The following DNM1L variants were observed in gnomAD, a reference collection of about 807,000 sequenced individuals.
DNM1L encodes the protein dynamin 1L.
Under a neutral mutation model 92.8 loss-of-function variants are expected in DNM1L, and 33 were observed. That is an observed-to-expected ratio of 0.36 (90% confidence interval 0.27 to 0.48). DNM1L has a LOEUF of 0.48. Among genes scored for constraint, DNM1L ranks in the 20% least tolerant of loss-of-function variants. The pLI, the probability that DNM1L is intolerant of heterozygous loss-of-function variation, is 0.99. For synonymous variants in DNM1L, 284 were observed against 305.0 expected, an observed-to-expected ratio of 0.93 and a Z score of 0.72; for missense variants, 485 against 888.8, an observed-to-expected ratio of 0.55 and a Z score of 5.78.
intron 9 of DNM1L, among the ~76,000 whole-genome samples, chr12:32,723,610 C>G (rs1320893277): frequency 1.3e-5 from 2 of 148,584 alleles, no homozygotes; most frequent in Non-Finnish European, 3.0e-5. Flanking sequence ...AGGAGAATTG[C>G]TTGAACCCGT....
intron 1 of DNM1L, among the ~76,000 whole-genome samples, chr12:32,691,392 C>T (rs1258180708): frequency 6.6e-6 from 1 of 152,116 alleles, no homozygotes; most frequent in Non-Finnish European, 1.5e-5. Context: ...GCACGTGCCA[C>T]CACACCCAGC....
At chr12:32,684,783 C>T (rs11052170) in intron 1 of DNM1L, among the ~76,000 whole-genome samples, 23,436 of 152,052 alleles carry the variant, frequency 0.15, 1,919 homozygotes, top group Middle Eastern at 0.21. Flanking sequence ...TTAGGTTCAT[C>T]CATTATGTAG....
chr12:32,744,443 G>A lies in DNM1L; in HGVS notation c.*1033G>A, dbSNP rs1387702864. The A allele has an allele frequency of 6.1e-6, 1 of 163,034 alleles. No homozygotes were observed. The highest frequency in any genetic ancestry group is 1.3e-5 in the Non-Finnish European group (1 of 75,918). 10.1% of individuals were successfully genotyped at this position (163,034 alleles called of 1,614,324 possible). A position where few individuals can be genotyped will look rare whatever the true frequency, so the allele number is the denominator to read the frequency against. The stretch of plus-strand genomic sequence containing the variant: ...AGAAAAACACCCAAGGCTGGGCGTG[G>A]TGGCACACGCCTGTAATCCCAGCAC... On this transcript the variant is annotated 3_prime_UTR_variant, in exon 20 of 20. Transcript: ENST00000549701.
intron 1 of DNM1L, among the ~76,000 whole-genome samples, chr12:32,696,383 AACACACACACACAC>A (rs58224525): frequency 2.2e-4 from 32 of 145,116 alleles, no homozygotes; most frequent in African/African-American, 5.6e-4. Flanking sequence ...CACACACACA[AACACACACACACAC>A]ACACACACAC....
intron 6 of DNM1L, among the ~76,000 whole-genome samples, chr12:32,715,116 AG>A (rs1045303648): frequency 2.9e-5 from 4 of 135,886 alleles, no homozygotes; most frequent in African/African-American, 1.1e-4. Context: ...TTTTGGATGT[AG>A]GGTCTCACTC....
intron 9 of DNM1L, among the ~76,000 whole-genome samples, chr12:32,727,944 A>G (rs1337352341): frequency 6.6e-6 from 1 of 152,226 alleles, no homozygotes; most frequent in Non-Finnish European, 1.5e-5. Flanking sequence ...CTTTCATTAC[A>G]TATTGCATAT....
chr12:32,689,664 AGAATT>A (rs61329122), intron 1 of DNM1L, among the ~76,000 whole-genome samples: 23,336 of 152,150 alleles, frequency 0.15, 1,872 homozygotes, highest in Middle Eastern at 0.21. Flanking sequence ...ATCAAAATAA[AGAATT>A]GAGAGGTCTG....
intron 9 of DNM1L, chr12:32,725,123 CT>C (rs775141476): frequency 4.0e-5 from 6 of 151,512 alleles, no homozygotes; most frequent in Non-Finnish European, 8.8e-5. Context: ...AGTATAGTAT[CT>C]CTTTCCAAAG....
In DNM1L at chr12:32,743,877, C is replaced by T. The variant is rs1425226568; in HGVS notation, c.*467C>T. On this transcript the variant is annotated 3_prime_UTR_variant, in exon 20 of 20. Transcript: ENST00000549701. ...GAAAGATGTGAGTTGGCAAGTTCCT[C>T]ACATAGAGTCATTGTATTCCACCTG... 1 of 163,976 alleles carries T rather than the reference C, an allele frequency of 6.1e-6. No homozygotes were observed. The highest frequency in any genetic ancestry group is 1.6e-4 in the East Asian group (1 of 6,118). 10.2% of individuals were successfully genotyped at this position (163,976 alleles called of 1,614,324 possible). A position where few individuals can be genotyped will look rare whatever the true frequency, so the allele number is the denominator to read the frequency against.
At position 32,737,858 on chromosome 12, in the gene DNM1L, C is replaced by A; in HGVS notation, c.1597-7C>A. On this transcript the variant is annotated splice_polypyrimidine_tract_variant and splice_region_variant and intron_variant, in intron 14 of 19. Transcript: ENST00000549701. ...TTTTTTTTCCCCCCTGGATTTTTTG[C>A]CTTTAGTCTTCTAAAGTTCCAAGTG... 6.2e-7 allele frequency: 1 copy of A among 1,613,454 alleles called. No homozygotes were observed. The highest frequency in any genetic ancestry group is 8.5e-7 in the Non-Finnish European group (1 of 1,179,608).
intron 1 of DNM1L, among the ~76,000 whole-genome samples, chr12:32,680,740 T>C (rs1244492159): frequency 6.6e-6 from 1 of 152,218 alleles, no homozygotes; most frequent in African/African-American, 2.4e-5. Flanking sequence ...GTCTGGGACA[T>C]ATAGTAAGTG....
chr12:32,702,831 T>C (rs2137310551), intron 2 of DNM1L, among the ~76,000 whole-genome samples: 1 of 152,308 alleles, frequency 6.6e-6, no homozygotes. Flanking sequence ...GCCTTTTAAT[T>C]ACATTAGGTA....
At chr12:32,685,794 C>T (rs1477214765) in intron 1 of DNM1L, among the ~76,000 whole-genome samples, 1 of 152,006 alleles carries the variant, frequency 6.6e-6, no homozygotes, top group Non-Finnish European at 1.5e-5. Flanking sequence ...CACTTTTTGA[C>T]ACCTATGCCA....
intron 2 of DNM1L, chr12:32,705,967 T>C: frequency 9.0e-7 from 1 of 1,113,530 alleles, no homozygotes; most frequent in Non-Finnish European, 1.2e-6. Flanking sequence ...TCCATTTTTA[T>C]TTGCCCATCC....
At chr12:32,739,840 T>C (rs546387801) in intron 16 of DNM1L, 354 of 556,702 alleles carry the variant, frequency 6.4e-4, no homozygotes, top group Non-Finnish European at 9.9e-4. Flanking sequence ...CATAAGTTGG[T>C]TGATGCCTTG....
chr12:32,725,134 G>GCTGGTACCCTTTT (rs1223474721), intron 9 of DNM1L: 1 of 151,590 alleles, frequency 6.6e-6, no homozygotes, highest in Non-Finnish European at 1.5e-5. Flanking sequence ...TCTTTCCAAA[G>GCTGGTACCCTTTT]CTGGTACCCT....
At chr12:32,724,712 CACTA>C (rs941290877) in intron 9 of DNM1L, among the ~76,000 whole-genome samples, 1 of 144,706 alleles carries the variant, frequency 6.9e-6, no homozygotes, top group Non-Finnish European at 1.5e-5. Flanking sequence ...ACACAAAGAT[CACTA>C]ACTGATAGTT....
intron 5 of DNM1L, among the ~76,000 whole-genome samples, 185 bp from the exon 6 acceptor site, chr12:32,713,024 A>G (rs1173959374): frequency 6.6e-6 from 1 of 152,204 alleles, no homozygotes; most frequent in African/African-American, 2.4e-5. Flanking sequence ...TATTTGCAAG[A>G]GTTACACTTT....
At chr12:32,712,423 G>A (rs1032072548) in intron 5 of DNM1L, among the ~76,000 whole-genome samples, 3 of 151,958 alleles carry the variant, frequency 2.0e-5, no homozygotes, top group South Asian at 2.1e-4. Flanking sequence ...TTAAGTGTCA[G>A]TTGTCTCAGT....
Sources: gnomAD v4.1 joint callset for allele counts (sites outside exome capture counted in the v4.1 genomes callset) on GRCh38, gnomAD v4.1.1 for gene constraint, MANE v1.5 for transcripts, NCBI Gene and HGNC (gene_info 2026-07-23, HGNC 2026-07-21) for gene names.